The following NCOR2 variants were observed in gnomAD, a reference collection of about 807,000 sequenced individuals.
NCOR2 encodes nuclear receptor corepressor 2, also known as CTG repeat protein 26.
A neutral mutation model predicts 262.9 loss-of-function variants in NCOR2; 81 were observed. The ratio of observed to expected loss-of-function variants is 0.31; its 90% confidence interval spans 0.26 to 0.37. NCOR2 has a LOEUF of 0.37. Ranked by LOEUF, NCOR2 falls within the 10% of genes least tolerant of loss-of-function variation. The probability of loss-of-function intolerance (pLI) is 1.00; values close to 1 mark genes in which losing one functional copy is unlikely to be tolerated. For missense variants in NCOR2, 3,385 were observed against 3,621.4 expected (o/e 0.93, Z 1.68); for synonymous variants, 1,659 against 1,559.3 (o/e 1.06, Z -1.51).
chr12:124,386,044 C>A (rs750843931), intron 16 of NCOR2, among the ~76,000 whole-genome samples, 157 bp from the exon 19 acceptor site: 3 of 152,172 alleles, frequency 2.0e-5, no homozygotes, highest in Non-Finnish European at 2.9e-5. Context: ...CAGTGATGGG[C>A]CACGTGTCCC....
At chr12:124,462,223 C>T (rs1672618706) in intron 5 of NCOR2, among the ~76,000 whole-genome samples, 1 of 152,222 alleles carries the variant, frequency 6.6e-6, no homozygotes, top group Admixed American at 6.5e-5. Flanking sequence ...CTCTAGAGCA[C>T]AGAAACAGAC....
At chr12:124,394,906 T>C (rs1426639120) in intron 16 of NCOR2, among the ~76,000 whole-genome samples, 2 of 152,238 alleles carry the variant, frequency 1.3e-5, no homozygotes, top group African/African-American at 4.8e-5. Flanking sequence ...AGAGGTTGGC[T>C]GACTTGCCTG....
intron 16 of NCOR2, among the ~76,000 whole-genome samples, chr12:124,391,677 A>C (rs1043260826): frequency 4.6e-5 from 7 of 151,698 alleles, no homozygotes; most frequent in African/African-American, 1.7e-4. Flanking sequence ...CTCTCCATCT[A>C]CTCTTTCAAA....
intron 45 of NCOR2, 59 bp downstream of exon 47, chr12:124,327,350 A>C: frequency 7.8e-7 from 1 of 1,285,282 alleles, no homozygotes; most frequent in Non-Finnish European, 1.0e-6. Context: ...CGGAGGAGCG[A>C]GGATTAATCA....
chr12:124,409,612 T>C (rs539753747), intron 13 of NCOR2, among the ~76,000 whole-genome samples: 1 of 152,156 alleles, frequency 6.6e-6, no homozygotes, highest in Admixed American at 6.5e-5. Flanking sequence ...GGACCTTGTT[T>C]GCCCTTTTTT....
At chr12:124,467,198 G>A (rs545154848) in intron 4 of NCOR2, among the ~76,000 whole-genome samples, 3 of 95,966 alleles carry the variant, frequency 3.1e-5, no homozygotes, top group East Asian at 3.3e-4. Context: ...CACCCTGCTC[G>A]TCCTCATCCT....
intron 1 of NCOR2, among the ~76,000 whole-genome samples, chr12:124,519,091 C>CACACACACATACACACACACACAT (rs779924337): frequency 8.2e-6 from 1 of 121,452 alleles, no homozygotes; most frequent in Non-Finnish European, 1.8e-5. Context: ...CCAAATAATA[C>CACACACACATACACACACACACAT]ACACACACAC....
intron 1 of NCOR2, among the ~76,000 whole-genome samples, chr12:124,561,240 G>A (rs769613881): frequency 1.3e-5 from 2 of 152,222 alleles, no homozygotes; most frequent in Non-Finnish European, 2.9e-5. Flanking sequence ...AGACGGCTCC[G>A]TATAGTAGGA....
At chr12:124,325,392 C>CCCCCCCCG in exon 47 of NCOR2, 1 of 1,152,266 alleles carries the variant, frequency 8.7e-7, no homozygotes, top group Non-Finnish European at 1.1e-6. Context: ...CCCCCCCGCC[C>CCCCCCCCG]TGTTCTGAGT....
intron 19 of NCOR2, among the ~76,000 whole-genome samples, chr12:124,372,997 G>C (rs956958933): frequency 6.6e-6 from 1 of 152,212 alleles, no homozygotes; most frequent in African/African-American, 2.4e-5. Context: ...GCTCTGCCCC[G>C]CACTGGCTGC....
At position 124,466,164 on chromosome 12, in the gene NCOR2, G is replaced by A. The variant is rs930809234; in HGVS notation, c.705+9C>T. The A allele has an allele frequency of 6.9e-6, 11 of 1,603,868 alleles. No homozygotes were observed. Among genetic ancestry groups the A allele is most frequent in the African/African-American group, 2.7e-5 (2 of 74,408 alleles). On this transcript the variant is annotated intron_variant, in intron 5 of 46. Coordinates refer to ENST00000405201, the Ensembl canonical transcript of NCOR2. ...CCGGGGGGCAGCAGGCCAGGGCGGG[G>A]ACACATACCCGGTTCTCGTCGTAGA...
intron 8 of NCOR2, 74 bp downstream of exon 10, chr12:124,437,856 A>T (rs2044450088): frequency 1.4e-6 from 2 of 1,399,740 alleles, no homozygotes; most frequent in Middle Eastern, 1.8e-4. Context: ...GGGCCCCGGC[A>T]GGTGTGGCCC....
rs983970954 is a variant in NCOR2 at position 124,548,766 on chromosome 12, G to A, written c.-164-13155C>T. On this transcript the variant is annotated intron_variant, in intron 1 of 32. Coordinates refer to the NCOR2 transcript ENST00000458234. The surrounding 1 kb of genome is among the most constrained non-coding windows in gnomAD (Gnocchi z 5.1). Reference sequence around the variant, plus strand: ...TTTGGGACAGTCCTACTCCATAAAAGTCACCCTCCCTACACAGTTTTCAAA... The same window carrying A: ...TTTGGGACAGTCCTACTCCATAAAAATCACCCTCCCTACACAGTTTTCAAA... Among the ~76,000 whole-genome samples, 1 of 151,762 alleles carries A rather than the reference G, an allele frequency of 6.6e-6. No individual in the cohort carries two copies. Among genetic ancestry groups the A allele is most frequent in the South Asian group, 2.1e-4 (1 of 4,802 alleles).
At chr12:124,351,446 A>G (rs961381264) in intron 27 of NCOR2, among the ~76,000 whole-genome samples, 3 of 152,210 alleles carry the variant, frequency 2.0e-5, no homozygotes, top group Admixed American at 6.5e-5. Context: ...ACTAGAAGCC[A>G]GGAGTACACG....
intron 20 of NCOR2, among the ~76,000 whole-genome samples, chr12:124,368,207 G>C (rs937709793): frequency 6.6e-6 from 1 of 152,244 alleles, no homozygotes; most frequent in African/African-American, 2.4e-5. Flanking sequence ...CCAGCACGTG[G>C]GGCCGAGTGG....
intron 5 of NCOR2, among the ~76,000 whole-genome samples, chr12:124,458,287 C>T (rs1001446615): frequency 3.3e-5 from 5 of 152,226 alleles, no homozygotes; most frequent in Admixed American, 6.5e-5. Flanking sequence ...CCTCGCAGGG[C>T]GGAGGTGCCC....
At chr12:124,546,935 G>A (rs1594051669) in intron 1 of NCOR2, among the ~76,000 whole-genome samples, 2 of 152,062 alleles carry the variant, frequency 1.3e-5, no homozygotes, top group Admixed American at 1.3e-4. Context: ...TGGCCCCAAA[G>A]CACAAGAGTA....
chr12:124,390,127 G>A (rs1261839610), intron 16 of NCOR2, among the ~76,000 whole-genome samples: 1 of 152,182 alleles, frequency 6.6e-6, no homozygotes, highest in Non-Finnish European at 1.5e-5. Context: ...TCAGGGATCT[G>A]GGCCTCTCCA....
intron 16 of NCOR2, among the ~76,000 whole-genome samples, chr12:124,392,150 T>A (rs1338211578): frequency 6.6e-6 from 1 of 152,200 alleles, no homozygotes; most frequent in Non-Finnish European, 1.5e-5. Flanking sequence ...GCTCCTTCCC[T>A]GAGTCAGGAG....
Sources: gnomAD v4.1 joint callset for allele counts (sites outside exome capture counted in the v4.1 genomes callset) on GRCh38, gnomAD v4.1.1 for gene constraint, Gnocchi (gnomAD v3.1) non-coding constraint, MANE v1.5 for transcripts, NCBI Gene and HGNC (gene_info 2026-07-23, HGNC 2026-07-21) for gene names.